ERC2: variants seen among roughly 807,000 people sequenced by gnomAD.
The protein encoded by ERC2 is ERC protein 2.
In ERC2, 42 loss-of-function variants were observed where a neutral mutation model predicts 114.8. The observed-to-expected ratio is 0.37, with a 90% CI of 0.29 to 0.47. ERC2 has a LOEUF of 0.47. Ranked by LOEUF, ERC2 falls within the 20% of genes least tolerant of loss-of-function variation. ERC2 has a pLI of 0.99. For missense variants in ERC2, 939 were observed against 1,150.7 expected (o/e 0.82, Z 2.66); for synonymous variants, 454 against 425.5 (o/e 1.07, Z -0.82).
intron 3 of ERC2, among the ~76,000 whole-genome samples, chr3:56,261,330 A>G (rs1278819237): frequency 1.3e-5 from 2 of 152,210 alleles, no homozygotes; most frequent in Middle Eastern, 3.2e-3. Flanking sequence ...GTTATTTCCC[A>G]TAAGGATACG....
intron 17 of ERC2, among the ~76,000 whole-genome samples, chr3:55,585,053 C>T (rs6792626): frequency 0.028 from 4,206 of 152,234 alleles, 190 homozygotes; most frequent in African/African-American, 0.096. Context: ...CAGGAGGAAG[C>T]GAGGCTCTTT....
chr3:56,041,942 T>A (rs938365297), intron 7 of ERC2, among the ~76,000 whole-genome samples: 7 of 152,054 alleles, frequency 4.6e-5, no homozygotes, highest in Admixed American at 4.6e-4. Flanking sequence ...CAGATTATTT[T>A]TCACTTACTC....
At chr3:55,727,624 T>C (rs2065001944) in intron 15 of ERC2, among the ~76,000 whole-genome samples, 1 of 152,210 alleles carries the variant, frequency 6.6e-6, no homozygotes, top group African/African-American at 2.4e-5. Context: ...ATATCACTTT[T>C]AGCTTTATTG....
chr3:55,943,257 C>T (rs2066917833), intron 13 of ERC2, among the ~76,000 whole-genome samples: 1 of 152,152 alleles, frequency 6.6e-6, no homozygotes, highest in African/African-American at 2.4e-5. Flanking sequence ...TTTTTTTCTT[C>T]TCCCAGTCCT....
chr3:56,359,621 G>T (rs2058871512), intron 2 of ERC2, among the ~76,000 whole-genome samples: 1 of 152,246 alleles, frequency 6.6e-6, no homozygotes, highest in Non-Finnish European at 1.5e-5. Flanking sequence ...TTGCTATAAA[G>T]TAATACCTGA....
At chr3:56,448,388 T>C (rs576587589) in intron 1 of ERC2, among the ~76,000 whole-genome samples, 22 of 152,322 alleles carry the variant, frequency 1.4e-4, no homozygotes, top group African/African-American at 5.3e-4. Flanking sequence ...ACATTCTACC[T>C]TCCTACCTTG....
At chr3:55,650,538 TCTTA>T (rs1464419760) in intron 17 of ERC2, among the ~76,000 whole-genome samples, 4 of 152,230 alleles carry the variant, frequency 2.6e-5, no homozygotes, top group African/African-American at 9.6e-5. Context: ...TCTAAAATCA[TCTTA>T]CTTATTTGTT....
chr3:56,080,256 C>T (rs746008620), intron 7 of ERC2, among the ~76,000 whole-genome samples: 5 of 152,066 alleles, frequency 3.3e-5, no homozygotes, highest in African/African-American at 7.2e-5. Context: ...AGGGAGAAAT[C>T]GAGCTGCTAA....
intron 3 of ERC2, among the ~76,000 whole-genome samples, chr3:56,264,511 C>T (rs1001382551): frequency 7.9e-5 from 12 of 151,786 alleles, no homozygotes; most frequent in Non-Finnish European, 1.6e-4. Flanking sequence ...ACAAGAGAAT[C>T]TCTAGAACCT....
chr3:56,276,265 C>T (rs1472826576), intron 3 of ERC2, among the ~76,000 whole-genome samples: 3 of 151,992 alleles, frequency 2.0e-5, no homozygotes, highest in African/African-American at 7.2e-5. Flanking sequence ...ATAGAAAATG[C>T]AAGGGATTAG....
At chr3:55,689,886 T>A (rs2062550977) in intron 16 of ERC2, among the ~76,000 whole-genome samples, 1 of 152,134 alleles carries the variant, frequency 6.6e-6, no homozygotes, top group Non-Finnish European at 1.5e-5. Context: ...CTGTGCAAAT[T>A]AAACCCAAGA....
intron 12 of ERC2, among the ~76,000 whole-genome samples, chr3:55,979,234 A>G (rs2069865157): frequency 6.6e-6 from 1 of 152,206 alleles, no homozygotes; most frequent in African/African-American, 2.4e-5. Flanking sequence ...ACATCACATC[A>G]AGATCTGTTC....
At chr3:56,120,730 T>A (rs529549131) in intron 6 of ERC2, among the ~76,000 whole-genome samples, 1 of 152,312 alleles carries the variant, frequency 6.6e-6, no homozygotes, top group South Asian at 2.1e-4. Flanking sequence ...AGAGTTACCA[T>A]GTGCAAAAAT....
chr3:55,834,625 A>G (rs1005128352), intron 14 of ERC2, among the ~76,000 whole-genome samples: 2 of 151,346 alleles, frequency 1.3e-5, no homozygotes, highest in Admixed American at 6.6e-5. Flanking sequence ...GTAGAGGGAA[A>G]TTTATAGCAC....
intron 14 of ERC2, among the ~76,000 whole-genome samples, chr3:55,756,260 C>G (rs1444490183): frequency 6.6e-6 from 1 of 152,154 alleles, no homozygotes; most frequent in African/African-American, 2.4e-5. Context: ...TTATCATCTT[C>G]AGGTGTTTTT....
intron 6 of ERC2, among the ~76,000 whole-genome samples, chr3:56,130,564 C>T (rs2080143664): frequency 6.6e-6 from 1 of 152,156 alleles, no homozygotes; most frequent in Non-Finnish European, 1.5e-5. Flanking sequence ...AAAGCCTGAA[C>T]AACAATAACA....
chr3:56,402,564 G>A (rs2060560381), intron 2 of ERC2, among the ~76,000 whole-genome samples: 2 of 152,174 alleles, frequency 1.3e-5, no homozygotes, highest in South Asian at 4.1e-4. Flanking sequence ...AGGAGGGCTA[G>A]TGCAACTTAC....
chr3:56,003,013 C>G (rs2072193609), intron 10 of ERC2: 1 of 1,027,140 alleles, frequency 9.7e-7, no homozygotes, highest in Admixed American at 2.3e-5. Context: ...TTTTCAAAAC[C>G]TCCCCAGTAT....
At chr3:55,565,470 G>T (rs967426311) in intron 17 of ERC2, among the ~76,000 whole-genome samples, 2 of 152,060 alleles carry the variant, frequency 1.3e-5, no homozygotes, top group African/African-American at 4.8e-5. Context: ...GCCCTTTGCC[G>T]TGCACTTGTC....
Sources: allele counts gnomAD v4.1 joint callset (sites outside exome capture counted in the v4.1 genomes callset), GRCh38; gene constraint gnomAD v4.1.1; transcripts MANE v1.5; gene names NCBI Gene and HGNC (gene_info 2026-07-23, HGNC 2026-07-21).